MAP2K6: variants seen among roughly 807,000 people sequenced by gnomAD.
MAP2K6 encodes the protein mitogen-activated protein kinase kinase 6.
MAP2K6 carries 16 observed loss-of-function variants against 53.7 expected under a neutral mutation model. The ratio of observed to expected loss-of-function variants is 0.30; its 90% CI spans 0.20 to 0.45. The LOEUF is 0.45. Among genes scored for constraint, MAP2K6 ranks in the 20% least tolerant of loss-of-function variants. MAP2K6 has a pLI of 1.00. For synonymous variants in MAP2K6, 132 were observed against 143.1 expected (o/e 0.92, Z 0.55); for missense variants, 204 against 411.9 (o/e 0.50, Z 4.37).
rs549930031 is a variant in MAP2K6, at chr17:69,494,831, C to A, written c.17-10949C>A. On this transcript the variant is annotated intron_variant, in intron 1 of 11. Coordinates refer to ENST00000590474, the MANE Select transcript of MAP2K6 (RefSeq NM_002758.4). This position sits in a 1 kb window ranked among gnomAD's most constrained non-coding sequence, Gnocchi z 4.2. ...GACCAGCCTGGCCAACATGGCGAAA[C>A]CCTGTTTCTACTAAAAATACAAAAT... 1.4e-3 allele frequency among the ~76,000 whole-genome samples: 214 copies of A among 151,796 alleles called. 1 individual carries two copies. The highest frequency in any genetic ancestry group is 0.01 in the Middle Eastern group (3 of 290).
rs1905848391 is a variant in MAP2K6, at chr17:69,414,836, A to G, written c.-149A>G. ...TGTGCATTTCCATCTTGATTCCCTG[A>G]AAGTCCATCTGCTGCATCGGTCAAG... On this transcript the variant is annotated 5_prime_UTR_variant, in exon 1 of 12. Transcript: ENST00000590474. The G allele has an allele frequency of 2.0e-5, 14 of 685,298 alleles. 1 individual carries two copies. Among genetic ancestry groups the G allele is most frequent in the South Asian group, 1.1e-4 (6 of 55,528 alleles). 42.5% of individuals were successfully genotyped at this position (685,298 alleles called of 1,614,324 possible).
intron 1 of MAP2K6, among the ~76,000 whole-genome samples, chr17:69,449,549 CTTTCTTTCTTTATTTCTT>C (rs1907116070): frequency 1.0e-5 from 1 of 96,684 alleles, no homozygotes; most frequent in African/African-American, 5.4e-5. Flanking sequence ...TTCTTTCTTT[CTTTCTTTCTTTATTTCTT>C]TCTTTCTTTC....
chr17:69,427,213 T>C (rs1024665383), intron 1 of MAP2K6, among the ~76,000 whole-genome samples: 22 of 152,198 alleles, frequency 1.4e-4, no homozygotes, highest in Non-Finnish European at 2.5e-4. Flanking sequence ...TCATCTGAAA[T>C]CAGTGTAAGA....
At chr17:69,459,088 C>T (rs924357979) in intron 1 of MAP2K6, among the ~76,000 whole-genome samples, 4 of 152,062 alleles carry the variant, frequency 2.6e-5, no homozygotes, top group Admixed American at 2.6e-4. Context: ...CTTGCCAGCC[C>T]CCAGGGTAGG....
At chr17:69,457,744 G>A (rs1467293682) in intron 1 of MAP2K6, among the ~76,000 whole-genome samples, 3 of 152,190 alleles carry the variant, frequency 2.0e-5, no homozygotes, top group African/African-American at 7.2e-5. Context: ...GATAGAGGCT[G>A]TGGTGAGCTA....
chr17:69,507,796 G>A (rs1324869397), intron 2 of MAP2K6, among the ~76,000 whole-genome samples: 1 of 152,110 alleles, frequency 6.6e-6, no homozygotes, highest in Admixed American at 6.6e-5. Flanking sequence ...TTATGCATAA[G>A]TTCCTGCATG....
At chr17:69,420,955 A>G (rs1012567439) in intron 1 of MAP2K6, among the ~76,000 whole-genome samples, 1 of 152,218 alleles carries the variant, frequency 6.6e-6, no homozygotes, top group Non-Finnish European at 1.5e-5. Context: ...CCCAGTGCCT[A>G]CATAGTACAG....
At chr17:69,463,244 C>T (rs1247058092) in intron 1 of MAP2K6, among the ~76,000 whole-genome samples, 1 of 150,646 alleles carries the variant, frequency 6.6e-6, no homozygotes, top group Non-Finnish European at 1.5e-5. Context: ...CATTTTTTTA[C>T]ATTTTGCTTT....
intron 1 of MAP2K6, among the ~76,000 whole-genome samples, chr17:69,484,078 A>G (rs540124543): frequency 6.6e-5 from 10 of 152,140 alleles, no homozygotes; most frequent in Middle Eastern, 3.2e-3. Flanking sequence ...ACCTATGAAA[A>G]GATAGGTAAG....
intron 1 of MAP2K6, among the ~76,000 whole-genome samples, chr17:69,439,296 T>A (rs1906742950): frequency 6.6e-6 from 1 of 152,192 alleles, no homozygotes; most frequent in East Asian, 1.9e-4. Flanking sequence ...TTAAAAAGAT[T>A]GAGTCTATCT....
intron 1 of MAP2K6, among the ~76,000 whole-genome samples, chr17:69,500,447 CAAAAAAAAAAAAAAAA>C (rs58712110): frequency 5.2e-5 from 3 of 57,626 alleles, no homozygotes; most frequent in African/African-American, 7.6e-5. Flanking sequence ...GACTCTGTCT[CAAAAAAAAAAAAAAAA>C]AAAAAAAAAA....
chr17:69,425,994 G>A (rs1906264376), intron 1 of MAP2K6, among the ~76,000 whole-genome samples: 2 of 151,958 alleles, frequency 1.3e-5, no homozygotes, highest in African/African-American at 4.8e-5. Flanking sequence ...CACAAACTCT[G>A]CATATACCTA....
At chr17:69,447,893 G>A (rs1318302255) in intron 1 of MAP2K6, among the ~76,000 whole-genome samples, 1 of 152,192 alleles carries the variant, frequency 6.6e-6, no homozygotes, top group Non-Finnish European at 1.5e-5. Context: ...GAGAGACTGG[G>A]CTGAGTCCAG....
intron 1 of MAP2K6, among the ~76,000 whole-genome samples, chr17:69,467,303 C>T (rs1371675096): frequency 6.6e-6 from 1 of 152,216 alleles, no homozygotes; most frequent in African/African-American, 2.4e-5. Context: ...TCAGGGAGAA[C>T]TCCTGGGATG....
chr17:69,525,661 A>G (rs72855591), intron 9 of MAP2K6, among the ~76,000 whole-genome samples: 4,750 of 152,270 alleles, frequency 0.031, 205 homozygotes, highest in African/African-American at 0.095. Context: ...TCATAAAACC[A>G]TCAGATCTCG....
chr17:69,502,239 TGAG>T (rs1909207417), intron 1 of MAP2K6: 1 of 985,404 alleles, frequency 1.0e-6, no homozygotes, highest in Non-Finnish European at 1.2e-6. Flanking sequence ...AATCCGAACT[TGAG>T]GAGGGGGTGG....
At chr17:69,450,286 C>G (rs935796445) in intron 1 of MAP2K6, among the ~76,000 whole-genome samples, 9 of 152,034 alleles carry the variant, frequency 5.9e-5, no homozygotes, top group Admixed American at 3.3e-4. Context: ...CAGCATTTTA[C>G]AAGCAGTAGG....
chr17:69,513,062 C>G (rs1367651487), intron 2 of MAP2K6, among the ~76,000 whole-genome samples: 1 of 152,164 alleles, frequency 6.6e-6, no homozygotes, highest in South Asian at 2.1e-4. Context: ...TGACAGAGAA[C>G]ATCCACCCAC....
chr17:69,517,059 A>G (rs1910188036), intron 3 of MAP2K6, among the ~76,000 whole-genome samples, 156 bp downstream of exon 3: 1 of 152,060 alleles, frequency 6.6e-6, no homozygotes, highest in Non-Finnish European at 1.5e-5. Context: ...TGCTATTTTG[A>G]AAGAATGTTG....
Sources: allele counts gnomAD v4.1 joint callset (sites outside exome capture counted in the v4.1 genomes callset), GRCh38; gene constraint gnomAD v4.1.1; non-coding constraint Gnocchi (gnomAD v3.1); transcripts MANE v1.5; gene names NCBI Gene and HGNC (gene_info 2026-07-23, HGNC 2026-07-21).